The following DYNC2H1 variants were observed in gnomAD, a reference collection of about 807,000 sequenced individuals.
The protein encoded by DYNC2H1 is dynein cytoplasmic 2 heavy chain 1.
In DYNC2H1, 410 loss-of-function variants were observed where a neutral mutation model predicts 570.0. The observed-to-expected ratio is 0.72, with a 90% CI of 0.66 to 0.78. DYNC2H1 has a LOEUF of 0.78. Among genes scored for constraint, DYNC2H1 ranks in the 30% least tolerant of loss-of-function variants. The pLI is 0.00. For synonymous variants in DYNC2H1, 1,688 were observed against 1,677.6 expected (o/e 1.01, Z -0.15); for missense variants, 4,865 against 5,046.4 (o/e 0.96, Z 1.09).
chr11:103,155,630 A>G (rs1860782307), intron 25 of DYNC2H1, 129 bp downstream of exon 25: 1 of 885,350 alleles, frequency 1.1e-6, no homozygotes, highest in Non-Finnish European at 1.6e-6. Context: ...AAGTAAACAA[A>G]CACAAATCAT....
chr11:103,125,096 A>G lies in DYNC2H1; in HGVS notation c.1662-4A>G, dbSNP rs1311701171. 1.9e-6 allele frequency: 3 copies of G among 1,602,712 alleles called. No homozygotes were observed. Among genetic ancestry groups the G allele is most frequent in the South Asian group, 2.2e-5 (2 of 89,440 alleles). ...CTTAACAGGTTATTTATTTTGTTTT[A>G]TAGTATTGAGGCTAGTAGTCGAATT... is the stretch of plus-strand genomic sequence containing the variant. On this transcript the variant is annotated splice_region_variant and splice_polypyrimidine_tract_variant and intron_variant, in intron 11 of 88. Transcript: ENST00000375735.
intron 82 of DYNC2H1, among the ~76,000 whole-genome samples, chr11:103,355,568 A>T (rs968310577): frequency 1.3e-5 from 2 of 152,188 alleles, no homozygotes; most frequent in African/African-American, 4.8e-5. Flanking sequence ...TATGTATAAG[A>T]TTTAGTGTCT....
intron 85 of DYNC2H1, among the ~76,000 whole-genome samples, chr11:103,438,018 T>A (rs926524543): frequency 1.3e-5 from 2 of 152,118 alleles, no homozygotes; most frequent in Non-Finnish European, 2.9e-5. Flanking sequence ...ACTTTTCTAC[T>A]GTGTAATTTT....
chr11:103,237,885 T>C (rs1864281765), intron 63 of DYNC2H1, among the ~76,000 whole-genome samples: 1 of 152,186 alleles, frequency 6.6e-6, no homozygotes, highest in South Asian at 2.1e-4. Context: ...TTGTCTTTCA[T>C]GATGGATATG....
At position 103,204,257 on chromosome 11, in the gene DYNC2H1, T is replaced by C. The variant is rs1565393665; in HGVS notation, c.8311+481T>C. On this transcript the variant is annotated intron_variant, in intron 51 of 88. Transcript: ENST00000375735. The surrounding 1 kb of genome is among the most constrained non-coding windows in gnomAD (Gnocchi z 4.1). ...CCCACCAGGTTCCTCCCGCAACACG[T>C]GGGGATTATGGGAGCTACAAAATGA... Among the ~76,000 whole-genome samples, 1 of 152,042 alleles carries C rather than the reference T, an allele frequency of 6.6e-6. No individual in the cohort carries two copies. The highest frequency in any genetic ancestry group is 1.5e-5 in the Non-Finnish European group (1 of 67,998).
chr11:103,266,385 T>G (rs965857005), intron 70 of DYNC2H1, among the ~76,000 whole-genome samples: 2 of 152,018 alleles, frequency 1.3e-5, no homozygotes, highest in Admixed American at 1.3e-4. Context: ...TGGGTGCAGG[T>G]GGGTGCCTTC....
intron 3 of DYNC2H1, 38 bp from the exon 4 acceptor site, chr11:103,115,139 T>C (rs1858313638): frequency 6.8e-7 from 1 of 1,465,694 alleles, no homozygotes; most frequent in Admixed American, 1.9e-5. Flanking sequence ...TTTTCTCTGA[T>C]ATTCTATGCC....
In DYNC2H1 at chr11:103,299,786, C is replaced by A. The variant is rs951441453; in HGVS notation, c.11096-3307C>A. 6.6e-6 allele frequency among the ~76,000 whole-genome samples: 1 copy of A among 152,052 alleles called. No individual in the cohort carries two copies. The highest frequency in any genetic ancestry group is 1.5e-5 in the Non-Finnish European group (1 of 67,974). Reference sequence around the variant, plus strand: ...TTTGCAAAGTCCCTTCACAGCAGTACTTAGTTTAGTTTTTGATTGAATAAC... The same window carrying A: ...TTTGCAAAGTCCCTTCACAGCAGTAATTAGTTTAGTTTTTGATTGAATAAC... On this transcript the variant is annotated intron_variant, in intron 75 of 88. Transcript: ENST00000375735. This position sits in a 1 kb window ranked among gnomAD's most constrained non-coding sequence, Gnocchi z 4.5.
intron 80 of DYNC2H1, 64 bp from the exon 81 acceptor site, chr11:103,320,965 T>C: frequency 7.8e-7 from 1 of 1,275,942 alleles, no homozygotes; most frequent in Non-Finnish European, 1.1e-6. Context: ...TAAATATAAC[T>C]CAAGGCAGGA....
intron 77 of DYNC2H1, among the ~76,000 whole-genome samples, chr11:103,306,039 G>A (rs1369942885): frequency 1.3e-5 from 2 of 152,126 alleles, no homozygotes; most frequent in East Asian, 3.9e-4. Context: ...AGCCTCCCAA[G>A]TAGCTGCGAT....
At chr11:103,362,498 T>C (rs1940705848) in intron 83 of DYNC2H1, among the ~76,000 whole-genome samples, 1 of 152,074 alleles carries the variant, frequency 6.6e-6, no homozygotes, top group Non-Finnish European at 1.5e-5. Context: ...TTGTTTTTAA[T>C]TATTAGCTCA....
chr11:103,174,173 A>G lies in DYNC2H1; in HGVS notation c.5674+3A>G. ...CAAAAGTGGCACTACACAGAATGGT[A>G]TGATTGATTATTCCAAATACATTAA... On this transcript the variant is annotated splice_donor_region_variant and intron_variant, in intron 36 of 88. Coordinates refer to ENST00000375735, the MANE Select transcript of DYNC2H1 (RefSeq NM_001377.3). 2 of 1,545,054 alleles carry G rather than the reference A, an allele frequency of 1.3e-6. No homozygotes were observed. Among genetic ancestry groups the G allele is most frequent in the Non-Finnish European group, 1.8e-6 (2 of 1,138,206 alleles).
At chr11:103,196,076 A>G (rs1170753330) in intron 47 of DYNC2H1, among the ~76,000 whole-genome samples, 1 of 152,180 alleles carries the variant, frequency 6.6e-6, no homozygotes, top group Non-Finnish European at 1.5e-5. Flanking sequence ...GTGGAGGGCC[A>G]TCATTAGGAG....
At chr11:103,263,959 A>T (rs182756687) in intron 70 of DYNC2H1, among the ~76,000 whole-genome samples, 36 of 151,564 alleles carry the variant, frequency 2.4e-4, no homozygotes, top group African/African-American at 7.8e-4. Context: ...GACCGCTAGC[A>T]AGACTAATAA....
In DYNC2H1 at chr11:103,222,981, G is replaced by C; in HGVS notation, c.9248G>C (p.Ser3083Thr). ...SFDPKNAKRASTAAAPLAAWV... is the reference protein window; with the variant it reads ...SFDPKNAKRATTAAAPLAAWV... ...ATTTTTCAGAATGCTAAGCGTGCCA[G>C]TACTGCAGCTGCACCTTTGGCTGCC... Residue 3083 changes from serine to threonine, a missense_variant, in exon 59 of 89, where the codon AGT (serine) becomes ACT (threonine). Coordinates refer to ENST00000375735, the MANE Select transcript of DYNC2H1 (RefSeq NM_001377.3). 1 of 1,613,306 alleles carries C rather than the reference G, an allele frequency of 6.2e-7. No homozygotes were observed. The highest frequency in any genetic ancestry group is 8.5e-7 in the Non-Finnish European group (1 of 1,179,494).
At chr11:103,294,266 G>A (rs1866731737) in intron 75 of DYNC2H1, among the ~76,000 whole-genome samples, 1 of 152,128 alleles carries the variant, frequency 6.6e-6, no homozygotes, top group Non-Finnish European at 1.5e-5. Context: ...TCTGATGCTT[G>A]TGGACCTTCA....
chr11:103,359,306 A>G (rs1474319976), intron 83 of DYNC2H1, among the ~76,000 whole-genome samples: 2 of 152,220 alleles, frequency 1.3e-5, no homozygotes, highest in African/African-American at 4.8e-5. Context: ...GCAGTCTTCT[A>G]CTAAGCCACT....
At chr11:103,304,770 A>G in intron 77 of DYNC2H1, 50 bp downstream of exon 77, 1 of 1,548,820 alleles carries the variant, frequency 6.5e-7, no homozygotes, top group Non-Finnish European at 8.8e-7. Flanking sequence ...CAACTTAGCA[A>G]TCTCCAAGGG....
intron 83 of DYNC2H1, among the ~76,000 whole-genome samples, chr11:103,396,050 G>C (rs2135631480): frequency 6.6e-6 from 1 of 152,100 alleles, no homozygotes; most frequent in African/African-American, 2.4e-5. Flanking sequence ...CCTTATCATA[G>C]AAAACATACA....
Sources: allele counts gnomAD v4.1 joint callset (sites outside exome capture counted in the v4.1 genomes callset), GRCh38; gene constraint gnomAD v4.1.1; non-coding constraint Gnocchi (gnomAD v3.1); transcripts MANE v1.5; gene names NCBI Gene and HGNC (gene_info 2026-07-23, HGNC 2026-07-21).